SPECC1: variants seen among roughly 807,000 people sequenced by gnomAD.
SPECC1 encodes cytospin-B.
A neutral mutation model predicts 104.1 loss-of-function variants in SPECC1; 62 were observed. The observed-to-expected ratio is 0.60, with a 90% confidence interval of 0.49 to 0.74. The LOEUF is 0.74. Ranked by LOEUF, SPECC1 falls within the 30% of genes least tolerant of loss-of-function variation. The pLI, the probability that SPECC1 is intolerant of heterozygous loss-of-function variation, is 0.00. For synonymous variants in SPECC1, 513 were observed against 501.6 expected (o/e 1.02, Z -0.30); for missense variants, 1,306 against 1,310.5 (o/e 1.00, Z 0.05).
chr17:20,082,945 T>C (rs2047030885), intron 1 of SPECC1, among the ~76,000 whole-genome samples: 1 of 151,628 alleles, frequency 6.6e-6, no homozygotes, highest in South Asian at 2.1e-4. Context: ...CACTGGTTGC[T>C]GTGTCCTTTG....
intron 1 of SPECC1, among the ~76,000 whole-genome samples, chr17:20,079,331 C>T (rs1486958076): frequency 6.6e-6 from 1 of 152,220 alleles, no homozygotes; most frequent in East Asian, 1.9e-4. Context: ...GACAGGGTCT[C>T]TTCTGTCACC....
At chr17:20,128,623 C>G (rs1290626257) in intron 3 of SPECC1, among the ~76,000 whole-genome samples, 3 of 152,094 alleles carry the variant, frequency 2.0e-5, no homozygotes, top group Non-Finnish European at 4.4e-5. Flanking sequence ...GCTTGTCGAT[C>G]TAATGACAAT....
At chr17:20,168,169 GAACA>G (rs1216281848) in intron 3 of SPECC1, among the ~76,000 whole-genome samples, 1 of 152,084 alleles carries the variant, frequency 6.6e-6, no homozygotes, top group Non-Finnish European at 1.5e-5. Flanking sequence ...AAGATGGTAT[GAACA>G]AAGAAAGCCA....
intron 1 of SPECC1, among the ~76,000 whole-genome samples, chr17:20,088,824 G>A (rs966309346): frequency 6.6e-6 from 1 of 152,170 alleles, no homozygotes; most frequent in African/African-American, 2.4e-5. Context: ...ATTAAGAGGT[G>A]GGGCCTTTGG....
intron 3 of SPECC1, among the ~76,000 whole-genome samples, chr17:20,175,709 G>A (rs2034426180): frequency 6.6e-6 from 1 of 152,224 alleles, no homozygotes; most frequent in African/African-American, 2.4e-5. Context: ...GCCTTGCTGG[G>A]TATGTGGGTA....
chr17:20,280,243 C>T (rs574060838), intron 12 of SPECC1, among the ~76,000 whole-genome samples: 38 of 152,294 alleles, frequency 2.5e-4, no homozygotes, highest in African/African-American at 9.1e-4. Context: ...CTAGCAGTGA[C>T]AAAATATTTA....
chr17:20,233,371 G>A (rs545820707), intron 7 of SPECC1, among the ~76,000 whole-genome samples: 2 of 152,220 alleles, frequency 1.3e-5, no homozygotes, highest in South Asian at 4.2e-4. Context: ...GGAAAGAGGA[G>A]ATTTTTCAGA....
intron 3 of SPECC1, among the ~76,000 whole-genome samples, chr17:20,193,664 C>G (rs1417987331): frequency 6.6e-6 from 1 of 152,154 alleles, no homozygotes; most frequent in Non-Finnish European, 1.5e-5. Context: ...AGAAAACATT[C>G]AGTAAGCTTG....
intron 4 of SPECC1, among the ~76,000 whole-genome samples, chr17:20,208,995 G>A (rs1318518219): frequency 6.6e-6 from 1 of 152,106 alleles, no homozygotes; most frequent in Non-Finnish European, 1.5e-5. Flanking sequence ...GATGAGGATT[G>A]AATTTTTTCT....
At chr17:20,244,159 G>A (rs1306045590) in intron 7 of SPECC1, among the ~76,000 whole-genome samples, 2 of 152,142 alleles carry the variant, frequency 1.3e-5, no homozygotes, top group African/African-American at 4.8e-5. Flanking sequence ...AACCTGGGAG[G>A]TAGAGGTTGC....
intron 9 of SPECC1, among the ~76,000 whole-genome samples, chr17:20,247,797 C>G (rs898870420): frequency 1.3e-5 from 2 of 152,102 alleles, no homozygotes; most frequent in Admixed American, 1.3e-4. Context: ...TAAGGGGCTA[C>G]TTTTTAAATA....
At position 20,231,523 on chromosome 17, in the gene SPECC1, A is replaced by C. The variant is rs1042196918; in HGVS notation, c.2072-235A>C. ...TCTGTCTGCTGAGACTGTAACCTCA[A>C]TACACATCACATATTTTCCAGATCA... On this transcript the variant is annotated intron_variant, in intron 5 of 14. Coordinates refer to ENST00000395527, the MANE Select transcript of SPECC1 (RefSeq NM_001243439.2). 1.2e-4 allele frequency among the ~76,000 whole-genome samples: 18 copies of C among 152,198 alleles called. 1 individual carries two copies. Among genetic ancestry groups the C allele is most frequent in the Admixed American group, 9.8e-4 (15 of 15,280 alleles).
At chr17:20,194,745 C>T (rs992524570) in intron 3 of SPECC1, among the ~76,000 whole-genome samples, 1 of 151,718 alleles carries the variant, frequency 6.6e-6, no homozygotes, top group African/African-American at 2.4e-5. Flanking sequence ...ACCACGAGAC[C>T]CACCCGCCTC....
chr17:20,212,643 T>A (rs2037228854), intron 4 of SPECC1, among the ~76,000 whole-genome samples: 1 of 152,134 alleles, frequency 6.6e-6, no homozygotes, highest in African/African-American at 2.4e-5. Context: ...AAGATGAGAT[T>A]TAGGTGGGGA....
At position 20,204,759 on chromosome 17, in the gene SPECC1, A is replaced by T. The variant is rs374184724; in HGVS notation, c.710A>T (p.Gln237Leu). 39 of 1,614,082 alleles carry T rather than the reference A, an allele frequency of 2.4e-5. No homozygotes were observed. Among genetic ancestry groups the T allele is most frequent in the Non-Finnish European group, 3.1e-5 (36 of 1,180,038 alleles). Residue 237 changes from glutamine to leucine, a missense_variant, in exon 4 of 15, where the codon CAG (glutamine) becomes CTG (leucine). Coordinates refer to ENST00000395527, the MANE Select transcript of SPECC1 (RefSeq NM_001243439.2). ...RALEEKNKNF[Q>L]KELSDLEEEN... is the part of the protein sequence containing the mutation. ...CTTGAGGAGAAGAACAAGAACTTTC[A>T]GAAAGAGCTTTCCGATCTAGAGGAA...
At chr17:20,156,619 C>T (rs567741648) in intron 3 of SPECC1, among the ~76,000 whole-genome samples, 43 of 152,208 alleles carry the variant, frequency 2.8e-4, no homozygotes, top group African/African-American at 8.7e-4. Context: ...CTGTCGGCCG[C>T]CGGCCCCGCA....
At chr17:20,038,566 C>G (rs8065337) in intron 1 of SPECC1, among the ~76,000 whole-genome samples, 3 of 151,776 alleles carry the variant, frequency 2.0e-5, no homozygotes, top group Admixed American at 2.0e-4. Context: ...CGCTTGGCTA[C>G]TTTTTGTAGT....
At position 20,205,142 on chromosome 17, in the gene SPECC1, G is replaced by A. The variant is rs367591049; in HGVS notation, c.1093G>A (p.Val365Ile). 4.0e-5 allele frequency: 64 copies of A among 1,613,964 alleles called. No individual in the cohort carries two copies. Among genetic ancestry groups the A allele is most frequent in the Admixed American group, 2.3e-4 (14 of 59,992 alleles). Residue 365 changes from valine (V) to isoleucine (I), a missense_variant, in exon 4 of 15, where the codon GTA becomes ATA. By Grantham distance (29) the Val-to-Ile change is conservative (BLOSUM62 3). Around this residue, in one of 2 missense-constraint regions of SPECC1, gnomAD observed 1,177 missense variants for 1,139.9 expected, o/e 1.03. Transcript: ENST00000395527. The part of the protein sequence containing the change: ...CSTAGSSPNS[V>I]SELSLASLTE... ...TACTGCTGGGAGTTCCCCAAACAGC[G>A]TAAGTGAATTGTCCCTGGCTTCCCT... is the stretch of plus-strand genomic sequence containing the variant.
At position 20,212,639 on chromosome 17, in the gene SPECC1, A is replaced by T. The variant is rs183344415; in HGVS notation, c.1863+6727A>T. On this transcript the variant is annotated intron_variant, in intron 4 of 14. Coordinates refer to ENST00000395527, the MANE Select transcript of SPECC1 (RefSeq NM_001243439.2). The stretch of plus-strand genomic sequence containing the variant: ...CCACAACATGTGGGAATACAAGATG[A>T]GATTTAGGTGGGGAGGCAGCCAGTC... Among the ~76,000 whole-genome samples the T allele has an allele frequency of 2.1e-3, 327 of 152,282 alleles. 1 individual carries two copies. Among genetic ancestry groups the T allele is most frequent in the African/African-American group, 6.4e-3 (266 of 41,570 alleles).
Sources: allele counts gnomAD v4.1 joint callset (sites outside exome capture counted in the v4.1 genomes callset), GRCh38; gene constraint gnomAD v4.1.1; regional missense constraint gnomAD v4.1.1; transcripts MANE v1.5; gene names NCBI Gene and HGNC (gene_info 2026-07-23, HGNC 2026-07-21).